The following SEC14L6 variants were observed in gnomAD, a reference collection of about 807,000 sequenced individuals.
The protein encoded by SEC14L6 is SEC14 like lipid binding 6.
A neutral mutation model predicts 54.1 loss-of-function variants in SEC14L6; 40 were observed. That is an observed-to-expected ratio of 0.74 (90% CI 0.57 to 0.96). The LOEUF (loss-of-function observed/expected upper bound fraction) is 0.96, where lower values mean the gene tolerates loss of function less well. Among genes scored for constraint, SEC14L6 ranks in the 40% least tolerant of loss-of-function variants. SEC14L6 has a pLI of 0.00. For synonymous variants in SEC14L6, 171 were observed against 198.4 expected, an observed-to-expected ratio of 0.86 and a Z score of 1.16; for missense variants, 471 against 498.3, an observed-to-expected ratio of 0.95 and a Z score of 0.52.
chr22:30,544,493 A>C (rs540823385), intron 1 of SEC14L6, among the ~76,000 whole-genome samples: 132 of 151,090 alleles, frequency 8.7e-4, no homozygotes, highest in South Asian at 4.9e-3. Flanking sequence ...CACCACCACC[A>C]CCCCTCAACT....
At chr22:30,534,094 T>C in intron 2 of SEC14L6, 55 bp from the exon 3 acceptor site, 2 of 1,519,368 alleles carry the variant, frequency 1.3e-6, no homozygotes, top group Non-Finnish European at 1.8e-6. Flanking sequence ...ACTCCAGGCT[T>C]CTGGAGAGAC....
intron 2 of SEC14L6, among the ~76,000 whole-genome samples, chr22:30,538,360 GA>G (rs1207649784): frequency 1.3e-5 from 2 of 151,428 alleles, no homozygotes. Context: ...AAGAAAGAAA[GA>G]AAAGAAAAAA....
At chr22:30,526,028 C>G (rs1936769020) in intron 8 of SEC14L6, 96 bp from the exon 9 acceptor site, 1 of 1,438,066 alleles carries the variant, frequency 7.0e-7, no homozygotes, top group African/African-American at 1.4e-5. Context: ...GCCAGCTGCT[C>G]TCCCTCCCTG....
intron 6 of SEC14L6, 92 bp from the exon 7 acceptor site, chr22:30,529,441 C>T: frequency 9.5e-7 from 1 of 1,049,826 alleles, no homozygotes; most frequent in Non-Finnish European, 1.4e-6. Flanking sequence ...AGGGCACAGC[C>T]TTGGCCTCGA....
At chr22:30,537,251 CA>C (rs1382888906) in intron 2 of SEC14L6, among the ~76,000 whole-genome samples, 2 of 151,984 alleles carry the variant, frequency 1.3e-5, no homozygotes, top group East Asian at 3.9e-4. Context: ...CAGACAAGAC[CA>C]AAAATCAAGA....
chr22:30,540,416 C>T lies in SEC14L6; in HGVS notation c.55-1514G>A, dbSNP rs1196203172. Among the ~76,000 whole-genome samples, 3 of 126,396 alleles carry T rather than the reference C, an allele frequency of 2.4e-5. No homozygotes were observed. The Admixed American group carries it at 2.8e-4, about 12-fold the overall frequency. The allele number at this position is 126,396 out of a possible 152,430, so 82.9% of individuals were successfully genotyped here. A position where few individuals can be genotyped will look rare whatever the true frequency, so the allele number is the denominator to read the frequency against. On this transcript the variant is annotated intron_variant, in intron 1 of 11. Transcript: ENST00000402034. Reference sequence around the variant, plus strand: ...GAGTATTGTATTTTGAACTCATGGGCATTAAGATCAATTACTTGGCCAGGT... The same window carrying T: ...GAGTATTGTATTTTGAACTCATGGGTATTAAGATCAATTACTTGGCCAGGT...
intron 2 of SEC14L6, among the ~76,000 whole-genome samples, chr22:30,537,882 A>T (rs2085627095): frequency 6.6e-6 from 1 of 152,218 alleles, no homozygotes; most frequent in Non-Finnish European, 1.5e-5. Context: ...TGCTTGACTC[A>T]TCGGAGCACT....
At chr22:30,538,981 G>A in intron 1 of SEC14L6, 79 bp from the exon 2 acceptor site, 1 of 1,005,618 alleles carries the variant, frequency 9.9e-7, no homozygotes, top group East Asian at 2.6e-5. Context: ...CTTGAGGAAG[G>A]GGATGTCTGA....
At chr22:30,542,936 T>A (rs1027297787) in intron 1 of SEC14L6, 14 of 1,601,378 alleles carry the variant, frequency 8.7e-6, no homozygotes, top group Non-Finnish European at 1.2e-5. Context: ...TACTACTGTG[T>A]GAAGTTCCAG....
chr22:30,544,069 G>A lies in SEC14L6; in HGVS notation c.54+2560C>T, dbSNP rs1399731540. The A allele has an allele frequency of 3.2e-5, 49 of 1,512,102 alleles. No homozygotes were observed. In the Admixed American group the frequency reaches 8.2e-4, roughly 25 times the overall value. 93.7% of individuals were successfully genotyped at this position (1,512,102 alleles called of 1,614,324 possible). ...CTTCTCAGAGTATGCCAGCATCCAG[G>A]TCCCGAGGAAGTGAATGGGACCGTG... On this transcript the variant is annotated intron_variant, in intron 1 of 11. Coordinates refer to ENST00000402034, the MANE Select transcript of SEC14L6 (RefSeq NM_001193336.4).
At chr22:30,534,197 C>T (rs998109544) in intron 2 of SEC14L6, among the ~76,000 whole-genome samples, 158 bp from the exon 3 acceptor site, 2 of 152,184 alleles carry the variant, frequency 1.3e-5, no homozygotes, top group Non-Finnish European at 2.9e-5. Context: ...CTGAGATATC[C>T]GGAGACCCAG....
chr22:30,545,421 G>A (rs990989020), intron 1 of SEC14L6, among the ~76,000 whole-genome samples: 1 of 151,546 alleles, frequency 6.6e-6, no homozygotes, highest in African/African-American at 2.4e-5. Flanking sequence ...TTGAAACAGG[G>A]TCTAGCTCTG....
At chr22:30,537,883 TC>T (rs2085627225) in intron 2 of SEC14L6, among the ~76,000 whole-genome samples, 1 of 152,242 alleles carries the variant, frequency 6.6e-6, no homozygotes, top group Admixed American at 6.5e-5. Context: ...GCTTGACTCA[TC>T]GGAGCACTTA....
Position 30,522,981 on chromosome 22 carries a change from TAAAG to T in SEC14L6, c.*2012_*2015del, listed in dbSNP as rs1936653921. 1 of 152,196 alleles carries T rather than the reference TAAAG, an allele frequency of 6.6e-6. No individual in the cohort carries two copies. The highest frequency in any genetic ancestry group is 2.4e-5 in the African/African-American group (1 of 41,448). The allele number at this position is 152,196 out of a possible 1,614,324, so 9.4% of individuals were successfully genotyped here. On this transcript the variant is annotated 3_prime_UTR_variant, in exon 12 of 12. Transcript: ENST00000402034. ...TGAATCTCAGAGGCATTATGCTGAC[TAAAG>T]AAAGCCAGAATCAAAAGGCTAAATA...
chr22:30,533,223 G>A (rs1937041326), intron 3 of SEC14L6: 3 of 904,556 alleles, frequency 3.3e-6, no homozygotes, highest in Non-Finnish European at 4.0e-6. Context: ...AAGGCCTGCA[G>A]AGCCTGGCTG....
At chr22:30,543,964 G>C (rs1485806165) in intron 1 of SEC14L6, 1 of 1,605,990 alleles carries the variant, frequency 6.2e-7, no homozygotes, top group Non-Finnish European at 8.5e-7. Context: ...TGCGTCGGAG[G>C]ACACCCTCAC....
intron 1 of SEC14L6, chr22:30,543,178 A>G: frequency 6.2e-7 from 1 of 1,603,412 alleles, no homozygotes; most frequent in South Asian, 1.1e-5. Flanking sequence ...CGCAAGAGAG[A>G]GCGTGTCCTA....
At chr22:30,543,146 A>T in intron 1 of SEC14L6, 4 of 1,603,880 alleles carry the variant, frequency 2.5e-6, no homozygotes, top group Non-Finnish European at 3.4e-6. Flanking sequence ...CAGCTCTCAG[A>T]CTTCCAGACC....
intron 1 of SEC14L6, chr22:30,542,416 C>T: frequency 2.3e-6 from 1 of 430,746 alleles, no homozygotes; most frequent in Non-Finnish European, 4.0e-6. Flanking sequence ...TCGGCCGCAA[C>T]TTCCCCAGGC....
Sources: gnomAD v4.1 joint callset for allele counts (sites outside exome capture counted in the v4.1 genomes callset) on GRCh38, gnomAD v4.1.1 for gene constraint, MANE v1.5 for transcripts, NCBI Gene and HGNC (gene_info 2026-07-23, HGNC 2026-07-21) for gene names.